The following STAB2 variants were observed in gnomAD, a reference collection of about 807,000 sequenced individuals.
The protein encoded by STAB2 is stabilin-2.
Under a neutral mutation model 338.1 loss-of-function variants are expected in STAB2, and 288 were observed. The ratio of observed to expected loss-of-function variants is 0.85; its 90% confidence interval spans 0.77 to 0.94. The LOEUF is 0.94. STAB2 is among the 40% of genes least tolerant of loss of function. STAB2 has a pLI of 0.00. For synonymous variants in STAB2, 1,202 were observed against 1,193.3 expected (o/e 1.01, Z -0.15); for missense variants, 3,141 against 3,210.1 (o/e 0.98, Z 0.52).
chr12:103,652,756 A>C, intron 12 of STAB2, 51 bp downstream of exon 12: 2 of 1,494,332 alleles, frequency 1.3e-6, no homozygotes, highest in Non-Finnish European at 1.8e-6. Flanking sequence ...CCACCAAGCC[A>C]ATGCCCATAT....
intron 39 of STAB2, 109 bp from the exon 40 acceptor site, chr12:103,711,362 A>C (rs1428135568): frequency 7.0e-7 from 1 of 1,425,176 alleles, no homozygotes; most frequent in Non-Finnish European, 9.8e-7. Flanking sequence ...TATCGCTCAC[A>C]TGATACATAT....
At chr12:103,699,492 C>G (rs1237015671) in intron 34 of STAB2, among the ~76,000 whole-genome samples, 1 of 152,150 alleles carries the variant, frequency 6.6e-6, no homozygotes, top group Non-Finnish European at 1.5e-5. Context: ...GGCAAAAAGA[C>G]AGCTCGTGCA....
chr12:103,679,135 G>A (rs918272430), intron 25 of STAB2, among the ~76,000 whole-genome samples: 1 of 152,048 alleles, frequency 6.6e-6, no homozygotes, highest in African/African-American at 2.4e-5. Flanking sequence ...CAGCACTTTG[G>A]GAGGCCAAGG....
At chr12:103,741,099 G>T (rs918786147) in intron 55 of STAB2, among the ~76,000 whole-genome samples, 35 of 152,108 alleles carry the variant, frequency 2.3e-4, no homozygotes, top group African/African-American at 7.7e-4. Context: ...TAAAGACTTT[G>T]ATGTGACTCT....
At chr12:103,592,725 TCTC>T (rs1448551690) in intron 2 of STAB2, among the ~76,000 whole-genome samples, 1 of 152,182 alleles carries the variant, frequency 6.6e-6, no homozygotes, top group Non-Finnish European at 1.5e-5. Flanking sequence ...TAACATAAGA[TCTC>T]CTGTCTTTGC....
intron 45 of STAB2, among the ~76,000 whole-genome samples, chr12:103,725,357 G>A (rs1403661104): frequency 2.0e-5 from 3 of 152,164 alleles, no homozygotes; most frequent in African/African-American, 7.2e-5. Context: ...CAGTTCTCCT[G>A]GTTGGTAATG....
In STAB2 at chr12:103,737,598, CTCTTTCTCT is replaced by C. The variant is rs1200723769; in HGVS notation, c.5551-34_5551-26del. On this transcript the variant is annotated intron_variant, in intron 52 of 68. Coordinates refer to ENST00000388887, the MANE Select transcript of STAB2 (RefSeq NM_017564.10). ...TTTCTCTCTCTCTCTCTCTCTCTCT[CTCTTTCTCT>C]TTTTTTTTTTTTTTTTTCTTTCTTA... 2.5e-4 allele frequency: 315 copies of C among 1,252,720 alleles called. 5 individuals are homozygous for C. Among genetic ancestry groups the C allele is most frequent in the East Asian group, 5.0e-4 (17 of 33,848 alleles). The allele number at this position is 1,252,720 out of a possible 1,614,324, so 77.6% of individuals were successfully genotyped here.
intron 43 of STAB2, 144 bp from the exon 44 acceptor site, chr12:103,717,626 T>C (rs1392604802): frequency 3.0e-6 from 2 of 674,728 alleles, no homozygotes; most frequent in East Asian, 2.6e-5. Context: ...CAATTATCAT[T>C]ATAAAATAGA....
At chr12:103,669,708 C>T (rs59772330) in intron 21 of STAB2, 81 bp downstream of exon 21, 140,708 of 1,245,012 alleles carry the variant, frequency 0.11, 8,590 homozygotes, top group East Asian at 0.18. Context: ...TGATATAATG[C>T]CAGCTACTCT....
chr12:103,703,920 T>A (rs1021653783), intron 35 of STAB2, among the ~76,000 whole-genome samples: 1 of 152,140 alleles, frequency 6.6e-6, no homozygotes, highest in African/African-American at 2.4e-5. Flanking sequence ...ATTTTACAGA[T>A]GGGAAAAGTG....
intron 40 of STAB2, among the ~76,000 whole-genome samples, chr12:103,711,845 T>A (rs1454489312): frequency 2.6e-5 from 4 of 152,152 alleles, no homozygotes; most frequent in Non-Finnish European, 4.4e-5. Context: ...TCACAGCAAG[T>A]CATAACTTGG....
At chr12:103,610,085 T>A (rs1361864389) in intron 3 of STAB2, among the ~76,000 whole-genome samples, 1 of 152,084 alleles carries the variant, frequency 6.6e-6, no homozygotes, top group African/African-American at 2.4e-5. Context: ...TGGATTCGGT[T>A]TTCCAGTATT....
chr12:103,635,296 A>G (rs746461244), intron 6 of STAB2, among the ~76,000 whole-genome samples: 9 of 152,134 alleles, frequency 5.9e-5, no homozygotes, highest in Non-Finnish European at 1.3e-4. Flanking sequence ...TTTATAAATG[A>G]TTCTCCTTCA....
intron 7 of STAB2, 79 bp downstream of exon 7, chr12:103,637,315 T>C: frequency 4.6e-6 from 7 of 1,526,002 alleles, no homozygotes; most frequent in Non-Finnish European, 6.2e-6. Context: ...TCTCACAACC[T>C]CCTTAACACA....
At chr12:103,714,218 A>G (rs1383840862) in intron 42 of STAB2, among the ~76,000 whole-genome samples, 1 of 152,224 alleles carries the variant, frequency 6.6e-6, no homozygotes, top group Non-Finnish European at 1.5e-5. Context: ...CAATATATCA[A>G]AGTAACTCTC....
chr12:103,675,216 C>T (rs892277664), intron 23 of STAB2, among the ~76,000 whole-genome samples: 2 of 152,164 alleles, frequency 1.3e-5, no homozygotes, highest in Non-Finnish European at 2.9e-5. Flanking sequence ...TCATAGGCCA[C>T]TCAACAAATA....
chr12:103,602,112 G>C (rs1368475384), intron 3 of STAB2, among the ~76,000 whole-genome samples: 1 of 152,160 alleles, frequency 6.6e-6, no homozygotes, highest in Non-Finnish European at 1.5e-5. Flanking sequence ...ATTCTGTGTT[G>C]TCAAGCCCTC....
chr12:103,637,411 CCTT>C (rs1957565853), intron 7 of STAB2, among the ~76,000 whole-genome samples, 175 bp downstream of exon 7: 1 of 152,206 alleles, frequency 6.6e-6, no homozygotes, highest in Admixed American at 6.5e-5. Context: ...GGCAGCTTCT[CCTT>C]CTCTTATGAA....
At chr12:103,695,681 C>T (rs1878339085) in intron 32 of STAB2, 33 bp downstream of exon 32, 2 of 1,613,646 alleles carry the variant, frequency 1.2e-6, no homozygotes, top group Non-Finnish European at 1.7e-6. Flanking sequence ...GACCACCATG[C>T]TCAGGTTACC....
Sources: gnomAD v4.1 joint callset for allele counts (sites outside exome capture counted in the v4.1 genomes callset) on GRCh38, gnomAD v4.1.1 for gene constraint, MANE v1.5 for transcripts, NCBI Gene and HGNC (gene_info 2026-07-23, HGNC 2026-07-21) for gene names.